Variants in WNK1 observed in about 807,000 individuals in gnomAD.
The protein encoded by WNK1 is WNK lysine deficient protein kinase 1.
A neutral mutation model predicts 222.8 loss-of-function variants in WNK1; 38 were observed. The observed-to-expected ratio is 0.17, with a 90% CI of 0.13 to 0.22. WNK1 has a LOEUF of 0.22. Ranked by LOEUF, WNK1 falls within the 10% of genes least tolerant of loss-of-function variation. WNK1 has a pLI of 1.00. For synonymous variants in WNK1, 1,090 were observed against 1,092.9 expected (o/e 1.00, Z 0.05); for missense variants, 2,348 against 2,918.4 (o/e 0.80, Z 4.50).
chr12:821,007 G>A (rs1470855478), intron 2 of WNK1, among the ~76,000 whole-genome samples: 1 of 145,806 alleles, frequency 6.9e-6, no homozygotes, highest in African/African-American at 2.5e-5. Context: ...ATCATGTTGA[G>A]GAAGTTCTCT....
At position 906,355 on chromosome 12, in the gene WNK1, C is replaced by T. The variant is rs1046676617; in HGVS notation, c.6644-1492C>T. 4 of 985,184 alleles carry T rather than the reference C, an allele frequency of 4.1e-6. No individual in the cohort carries two copies. In the African/African-American group the frequency reaches 7.0e-5, roughly 17 times the overall value. The allele number at this position is 985,184 out of a possible 1,614,324, so 61.0% of individuals were successfully genotyped here. A position where few individuals can be genotyped will look rare whatever the true frequency, so the allele number is the denominator to read the frequency against. On this transcript the variant is annotated intron_variant, in intron 26 of 27. Coordinates refer to ENST00000315939, the MANE Select transcript of WNK1 (RefSeq NM_018979.4). ...AGAGCCGAAATCAGGCAGGCATAGA[C>T]TCCCTCCTCTCTCATCAAACCGCAG...
chr12:798,800 C>G (rs971891860), intron 1 of WNK1, among the ~76,000 whole-genome samples: 3 of 152,048 alleles, frequency 2.0e-5, no homozygotes, highest in Non-Finnish European at 4.4e-5. Flanking sequence ...CTGTTTATTT[C>G]ATTTTCCTCC....
chr12:772,425 ATGTATGTGTGTGTG>A (rs1396953917), intron 1 of WNK1, among the ~76,000 whole-genome samples: 1 of 69,308 alleles, frequency 1.4e-5, no homozygotes, highest in Non-Finnish European at 3.6e-5. Context: ...GTGTGTGTGT[ATGTATGTGTGTGTG>A]TGTATGTATA....
At chr12:826,045 G>T (rs1291121414) in intron 2 of WNK1, among the ~76,000 whole-genome samples, 1 of 152,184 alleles carries the variant, frequency 6.6e-6, no homozygotes, top group Non-Finnish European at 1.5e-5. Flanking sequence ...GTCAACTAGA[G>T]ATTTGGGCAG....
At chr12:895,631 G>C (rs1954672502) in intron 23 of WNK1, among the ~76,000 whole-genome samples, 2 of 151,778 alleles carry the variant, frequency 1.3e-5, no homozygotes, top group Admixed American at 1.3e-4. Context: ...GCTAATTTTT[G>C]TATTTTTAGT....
chr12:902,096 G>A (rs1340096608), intron 26 of WNK1, among the ~76,000 whole-genome samples: 2 of 151,176 alleles, frequency 1.3e-5, no homozygotes, highest in African/African-American at 4.9e-5. Flanking sequence ...CCAGGAGCTC[G>A]AGACCAACCC....
intron 1 of WNK1, among the ~76,000 whole-genome samples, chr12:789,365 T>TA (rs1423554530): frequency 6.6e-6 from 1 of 152,162 alleles, no homozygotes; most frequent in Non-Finnish European, 1.5e-5. Flanking sequence ...TCTTTGCTGT[T>TA]AAAATGAAAG....
At position 881,735 on chromosome 12, in the gene WNK1, C is replaced by CAGT. The variant is rs1565574097; in HGVS notation, c.3158_3160dup (p.Val1053dup). ...CAGGTTGCTCCTGCAGAGCCAGTTG[C>CAGT]AGTAGCACAGACCCAAGCTACCCAG... On this transcript the variant is annotated inframe_insertion, in exon 13 of 28. Coordinates refer to ENST00000315939, the MANE Select transcript of WNK1 (RefSeq NM_018979.4). 1.2e-5 allele frequency: 19 copies of CAGT among 1,614,184 alleles called. No homozygotes were observed. Among genetic ancestry groups the CAGT allele is most frequent in the Non-Finnish European group, 1.6e-5 (19 of 1,180,028 alleles).
At chr12:776,946 A>G (rs894220918) in intron 1 of WNK1, among the ~76,000 whole-genome samples, 9 of 152,236 alleles carry the variant, frequency 5.9e-5, no homozygotes, top group Non-Finnish European at 1.5e-5. Context: ...TTATTCACAC[A>G]GAGTAGCTAT....
chr12:857,046 C>T, intron 4 of WNK1, 115 bp from the exon 5 acceptor site: 2 of 1,081,314 alleles, frequency 1.8e-6, no homozygotes, highest in Non-Finnish European at 2.8e-6. Flanking sequence ...GCAGGCGAGT[C>T]AGAAAAAAAG....
intron 4 of WNK1, among the ~76,000 whole-genome samples, chr12:844,483 A>G (rs2154047774): frequency 6.6e-6 from 1 of 152,286 alleles, no homozygotes; most frequent in South Asian, 2.1e-4. Flanking sequence ...AGCTGTAGAA[A>G]ATGTGGAATA....
chr12:768,934 C>T (rs1469820671), intron 1 of WNK1, among the ~76,000 whole-genome samples: 1 of 151,744 alleles, frequency 6.6e-6, no homozygotes, highest in Admixed American at 6.6e-5. Context: ...CTCAGCCTCC[C>T]GAGTAGCTGG....
intron 1 of WNK1, among the ~76,000 whole-genome samples, chr12:798,446 C>T (rs1201266412): frequency 6.6e-6 from 1 of 152,190 alleles, no homozygotes; most frequent in Non-Finnish European, 1.5e-5. Context: ...CCCGCCTCGG[C>T]CTCCCAAAGT....
At chr12:777,528 G>A (rs181220136) in intron 1 of WNK1, among the ~76,000 whole-genome samples, 170 of 152,232 alleles carry the variant, frequency 1.1e-3, no homozygotes, top group African/African-American at 4.0e-3. Context: ...ATAGAGTTAG[G>A]CACTTGTGTT....
chr12:813,085 T>C (rs978056151), intron 1 of WNK1, among the ~76,000 whole-genome samples: 2 of 152,096 alleles, frequency 1.3e-5, no homozygotes, highest in Non-Finnish European at 2.9e-5. Flanking sequence ...AATTAAAAAA[T>C]TAGCCGGGCA....
chr12:844,794 G>A (rs1367360404), intron 4 of WNK1, among the ~76,000 whole-genome samples: 2 of 151,556 alleles, frequency 1.3e-5, no homozygotes, highest in Admixed American at 6.6e-5. Context: ...AAATGTGGAG[G>A]GTTTAAATAA....
At chr12:862,737 T>C (rs1328527456) in intron 8 of WNK1, among the ~76,000 whole-genome samples, 2 of 152,236 alleles carry the variant, frequency 1.3e-5, no homozygotes, top group Non-Finnish European at 1.5e-5. Context: ...TTTATTTGAA[T>C]GACTGTTTAA....
At chr12:766,536 T>G (rs1157131314) in intron 1 of WNK1, among the ~76,000 whole-genome samples, 3 of 152,046 alleles carry the variant, frequency 2.0e-5, no homozygotes, top group Non-Finnish European at 4.4e-5. Flanking sequence ...TGGAGTGCAG[T>G]GGCATGATCT....
chr12:755,056 C>T (rs1203521722), intron 1 of WNK1, among the ~76,000 whole-genome samples: 4 of 152,096 alleles, frequency 2.6e-5, no homozygotes, highest in Admixed American at 1.3e-4. Context: ...TGAACTTTCC[C>T]AAGAGTCCGA....
Sources: allele counts gnomAD v4.1 joint callset (sites outside exome capture counted in the v4.1 genomes callset), GRCh38; gene constraint gnomAD v4.1.1; transcripts MANE v1.5; gene names NCBI Gene and HGNC (gene_info 2026-07-23, HGNC 2026-07-21).